The following MED15 variants were observed in gnomAD, a reference collection of about 807,000 sequenced individuals.
MED15 encodes the protein mediator complex subunit 15.
In MED15, 41 loss-of-function variants were observed where a neutral mutation model predicts 118.7. That is an observed-to-expected ratio of 0.35 (90% CI 0.27 to 0.45). MED15 has a LOEUF of 0.45. Ranked by LOEUF, MED15 falls within the 20% of genes least tolerant of loss-of-function variation. The pLI is 1.00. For synonymous variants in MED15, 436 were observed against 413.9 expected (o/e 1.05, Z -0.65); for missense variants, 740 against 1,025.5 (o/e 0.72, Z 3.80).
intron 2 of MED15, among the ~76,000 whole-genome samples, chr22:20,544,051 T>C (rs1358346579): frequency 6.6e-6 from 1 of 152,266 alleles, no homozygotes; most frequent in African/African-American, 2.4e-5. Context: ...AGAATCACCT[T>C]TAATTTTCAT....
At chr22:20,523,735 A>G (rs888096144) in intron 1 of MED15, 1 of 985,214 alleles carries the variant, frequency 1.0e-6, no homozygotes, top group Admixed American at 6.2e-5. Flanking sequence ...GGCCTTTCCA[A>G]CTCTGCTGGT....
intron 1 of MED15, among the ~76,000 whole-genome samples, chr22:20,533,668 G>A (rs1601501653): frequency 1.3e-5 from 2 of 152,176 alleles, no homozygotes; most frequent in South Asian, 2.1e-4. Context: ...CGGTTTCCTG[G>A]TGTTGGCCTG....
intron 2 of MED15, among the ~76,000 whole-genome samples, chr22:20,548,326 T>C (rs2055635345): frequency 6.6e-6 from 1 of 152,106 alleles, no homozygotes; most frequent in Non-Finnish European, 1.5e-5. Flanking sequence ...CAGGCCTGGC[T>C]AATTTTTTTT....
At chr22:20,512,587 CTTTTTTT>C (rs1001694854) in intron 1 of MED15, among the ~76,000 whole-genome samples, 1 of 91,510 alleles carries the variant, frequency 1.1e-5, no homozygotes, top group Non-Finnish European at 2.1e-5. Context: ...TGAGTCACCT[CTTTTTTT>C]TTTTTTTTTT....
At chr22:20,510,205 G>A (rs2054014989) in intron 1 of MED15, among the ~76,000 whole-genome samples, 1 of 152,062 alleles carries the variant, frequency 6.6e-6, no homozygotes, top group Admixed American at 6.6e-5. Flanking sequence ...GGCCAACACG[G>A]TGAAACCCTA....
At chr22:20,551,693 A>C in intron 3 of MED15, 1 of 606,890 alleles carries the variant, frequency 1.6e-6, no homozygotes, top group Non-Finnish European at 2.9e-6. Context: ...AAAAATGCTG[A>C]TTCTAGCATC....
chr22:20,546,505 T>TTG (rs1288446958), intron 2 of MED15, among the ~76,000 whole-genome samples: 4 of 148,854 alleles, frequency 2.7e-5, no homozygotes, highest in Non-Finnish European at 4.5e-5. Context: ...ACATGGAGTT[T>TTG]TTTTTGTTTT....
Position 20,545,871 on chromosome 22 carries a change from G to A in MED15, c.157-5565G>A, listed in dbSNP as rs147408220. On this transcript the variant is annotated intron_variant, in intron 2 of 17. Transcript: ENST00000263205. ...CTCTGAGACATGAAAGCACAGAGGC[G>A]TCATATTCCTCTAATCTGGAGTCAG... Among the ~76,000 whole-genome samples, 329 of 152,272 alleles carry A rather than the reference G, an allele frequency of 2.2e-3. 2 individuals carry two copies. The highest frequency in any genetic ancestry group is 0.017 in the Middle Eastern group (5 of 294).
intron 5 of MED15, 141 bp from the exon 6 acceptor site, chr22:20,564,309 G>T (rs1234518458): frequency 7.0e-7 from 1 of 1,418,572 alleles, no homozygotes; most frequent in Admixed American, 2.2e-5. Context: ...CTTTCTGTCT[G>T]TGGTAAATGG....
At chr22:20,580,637 C>T (rs1174783540) in intron 9 of MED15, among the ~76,000 whole-genome samples, 3 of 152,116 alleles carry the variant, frequency 2.0e-5, no homozygotes, top group African/African-American at 7.2e-5. Flanking sequence ...GCTTCCCACT[C>T]CTCGGTGCCG....
intron 2 of MED15, among the ~76,000 whole-genome samples, chr22:20,549,467 G>A (rs753247909): frequency 1.9e-4 from 29 of 152,034 alleles, no homozygotes; most frequent in Non-Finnish European, 3.8e-4. Context: ...CTGGATGGGG[G>A]TGGGGGTGGA....
In MED15 at chr22:20,566,603, A is replaced by G. The variant is rs1168396270; in HGVS notation, c.827A>G (p.Gln276Arg). The G allele has an allele frequency of 2.5e-6, 4 of 1,613,854 alleles. No individual in the cohort carries two copies. The highest frequency in any genetic ancestry group is 1.7e-6 in the Non-Finnish European group (2 of 1,179,924). The change falls in exon 7 of 18, where the codon CAG (glutamine) becomes CGG (arginine). Residue 276 changes from glutamine (Q) to arginine (R), a missense_variant. By Grantham distance (43) the Gln-to-Arg change is conservative. This residue lies in a region of MED15 where 384 missense variants were observed against 506.3 expected (regional missense o/e 0.76). Transcript: ENST00000263205. ...AQPPIQQPPM[Q>R]QPQPPPSQAL... ...CCACCAATTCAGCAGCCACCGATGC[A>G]GCAGCCACAGCCTCCGCCCTCCCAG...
intron 2 of MED15, among the ~76,000 whole-genome samples, chr22:20,547,431 C>T (rs1376261358): frequency 6.6e-6 from 1 of 152,166 alleles, no homozygotes; most frequent in Non-Finnish European, 1.5e-5. Context: ...AGGCTGGCTA[C>T]AGTGACTCAC....
chr22:20,530,790 A>G (rs547717286), intron 1 of MED15, among the ~76,000 whole-genome samples: 3 of 152,192 alleles, frequency 2.0e-5, no homozygotes, highest in Admixed American at 1.3e-4. Flanking sequence ...CTCAGGGTAC[A>G]CTGCAGGTGA....
intron 9 of MED15, among the ~76,000 whole-genome samples, chr22:20,577,794 G>A (rs1601631629): frequency 6.6e-6 from 1 of 151,910 alleles, no homozygotes; most frequent in African/African-American, 2.4e-5. Context: ...GGACAAACGC[G>A]GCAGCATTTA....
chr22:20,509,276 C>T (rs1228143309), intron 1 of MED15, among the ~76,000 whole-genome samples: 3 of 152,086 alleles, frequency 2.0e-5, no homozygotes, highest in Non-Finnish European at 2.9e-5. Context: ...TAGTGAAATG[C>T]CAGTGTTGGG....
chr22:20,530,064 T>G (rs2054799672), intron 1 of MED15, among the ~76,000 whole-genome samples: 1 of 152,208 alleles, frequency 6.6e-6, no homozygotes, highest in Admixed American at 6.5e-5. Flanking sequence ...TTTTCCTTTA[T>G]AGTGTCTGCT....
At chr22:20,569,963 G>T (rs2056586110) in intron 8 of MED15, among the ~76,000 whole-genome samples, 1 of 152,208 alleles carries the variant, frequency 6.6e-6, no homozygotes, top group Non-Finnish European at 1.5e-5. Context: ...TGCCCACCCA[G>T]TGGAAGCTGC....
intron 2 of MED15, 119 bp downstream of exon 2, chr22:20,537,323 A>T (rs1205842468): frequency 1.3e-6 from 1 of 790,792 alleles, no homozygotes; most frequent in East Asian, 2.9e-5. Flanking sequence ...TTGCTCATCG[A>T]TTGATCACAG....
Sources: gnomAD v4.1 joint callset for allele counts (sites outside exome capture counted in the v4.1 genomes callset) on GRCh38, gnomAD v4.1.1 for gene constraint, gnomAD v4.1.1 regional missense constraint, MANE v1.5 for transcripts, NCBI Gene and HGNC (gene_info 2026-07-23, HGNC 2026-07-21) for gene names.